Variants in NCKAP5 observed in about 807,000 individuals in gnomAD.
The protein encoded by NCKAP5 is nck-associated protein 5.
Under a neutral mutation model 167.0 loss-of-function variants are expected in NCKAP5, and 92 were observed. That is an observed-to-expected ratio of 0.55 (90% CI 0.47 to 0.66). NCKAP5 has a LOEUF of 0.66. Ranked by LOEUF, NCKAP5 falls within the 30% of genes least tolerant of loss-of-function variation. The pLI is 0.00. For synonymous variants in NCKAP5, 891 were observed against 877.4 expected (o/e 1.02, Z -0.27); for missense variants, 2,378 against 2,315.0 (o/e 1.03, Z -0.56).
Position 132,673,173 on chromosome 2 carries a change from CCTTGTTCAGAGAGTT to C in NCKAP5, c.*101_*115del. 7.2e-7 allele frequency: 1 copy of C among 1,389,878 alleles called. No homozygotes were observed. Among genetic ancestry groups the C allele is most frequent in the South Asian group, 1.7e-5 (1 of 57,176 alleles). 86.1% of individuals were successfully genotyped at this position (1,389,878 alleles called of 1,614,324 possible). A position where few individuals can be genotyped will look rare whatever the true frequency, so the allele number is the denominator to read the frequency against. On this transcript the variant is annotated 3_prime_UTR_variant, in exon 20 of 20. Transcript: ENST00000409261. ...TCTTTTTCTTCCTTCTGTCCTTCAA[CCTTGTTCAGAGAGTT>C]CTTCTCTTTTTCTAATAAAATCACA...
chr2:133,482,502 G>A (rs1680544096), intron 3 of NCKAP5, among the ~76,000 whole-genome samples: 1 of 152,150 alleles, frequency 6.6e-6, no homozygotes, highest in Non-Finnish European at 1.5e-5. Flanking sequence ...ACAGGTATGA[G>A]CCATTCATCT....
intron 7 of NCKAP5, among the ~76,000 whole-genome samples, chr2:132,987,701 T>C (rs900653402): frequency 1.3e-5 from 2 of 152,114 alleles, no homozygotes; most frequent in Non-Finnish European, 2.9e-5. Flanking sequence ...AACCAAAAAC[T>C]TGGACATCAC....
At chr2:133,087,975 C>A (rs2081049199) in intron 6 of NCKAP5, among the ~76,000 whole-genome samples, 1 of 152,136 alleles carries the variant, frequency 6.6e-6, no homozygotes, top group Non-Finnish European at 1.5e-5. Context: ...GTTTAACAAA[C>A]AAGTAAATGA....
At chr2:133,325,818 G>C (rs1682397060) in intron 3 of NCKAP5, among the ~76,000 whole-genome samples, 1 of 152,134 alleles carries the variant, frequency 6.6e-6, no homozygotes, top group African/African-American at 2.4e-5. Context: ...GCTAGCCTTG[G>C]CCTCCCAACT....
chr2:132,915,211 A>G (rs139184475), intron 8 of NCKAP5, among the ~76,000 whole-genome samples: 4 of 152,078 alleles, frequency 2.6e-5, no homozygotes, highest in Non-Finnish European at 5.9e-5. Context: ...TCCTGAGTTT[A>G]TATCATGGGG....
At chr2:133,635,229 G>C in the NCKAP5 span, among the ~76,000 whole-genome samples, 1 of 152,068 alleles carries the variant, frequency 6.6e-6, no homozygotes, top group Non-Finnish European at 1.5e-5. Flanking sequence ...AAGGAAGGGG[G>C]AATCTACAGG....
chr2:132,689,713 A>G (rs555804612), intron 19 of NCKAP5, among the ~76,000 whole-genome samples: 162 of 152,270 alleles, frequency 1.1e-3, no homozygotes, highest in African/African-American at 3.8e-3. Flanking sequence ...ACCACAATTC[A>G]GGCAACCTCT....
chr2:132,718,385 T>G (rs1689574722), intron 19 of NCKAP5, among the ~76,000 whole-genome samples: 1 of 152,160 alleles, frequency 6.6e-6, no homozygotes, highest in East Asian at 1.9e-4. Flanking sequence ...TCATAACGGG[T>G]GTGATGCACA....
intron 3 of NCKAP5, among the ~76,000 whole-genome samples, chr2:133,344,312 G>A (rs1283109655): frequency 2.0e-5 from 3 of 151,838 alleles, no homozygotes; most frequent in Non-Finnish European, 4.4e-5. Context: ...GAAGGCTGAG[G>A]CGGGAGAATT....
the NCKAP5 span, among the ~76,000 whole-genome samples, chr2:133,629,128 T>C: frequency 2.6e-5 from 4 of 151,926 alleles, no homozygotes; most frequent in African/African-American, 9.7e-5. Flanking sequence ...GAAGCAAAAA[T>C]TGACAAATGG....
chr2:133,394,869 G>C (rs1376752581), intron 3 of NCKAP5, among the ~76,000 whole-genome samples: 1 of 152,146 alleles, frequency 6.6e-6, no homozygotes, highest in East Asian at 1.9e-4. Context: ...CAAAACCCAT[G>C]GTCTTGCAGG....
At chr2:133,158,473 C>A (rs1470871062) in intron 5 of NCKAP5, among the ~76,000 whole-genome samples, 1 of 152,170 alleles carries the variant, frequency 6.6e-6, no homozygotes, top group African/African-American at 2.4e-5. Context: ...CATTGTGCTG[C>A]ATTCATTCAC....
chr2:132,784,052 G>A lies in NCKAP5; in HGVS notation c.2759C>T (p.Pro920Leu), dbSNP rs752311759. The A allele has an allele frequency of 7.8e-6, 12 of 1,532,906 alleles. No individual in the cohort carries two copies. Among genetic ancestry groups the A allele is most frequent in the East Asian group, 4.5e-5 (2 of 44,110 alleles). The allele number at this position is 1,532,906 out of a possible 1,614,324, so 95.0% of individuals were successfully genotyped here. ...PTRDEHCGSG[P>L]EAGVKSPSPP... is the part of the protein sequence containing the mutation. ...GGAAGGGGATTTCACCCCTGCCTCC[G>A]GCCCAGAGCCACAGTGTTCATCCCT... The change falls in exon 14 of 20, where the codon CCG (proline) becomes CTG (leucine). Residue 920 changes from proline (P) to leucine (L), a missense_variant. Around this residue, in one of 3 missense-constraint regions of NCKAP5, gnomAD observed 1,325 missense variants for 1,274.5 expected, o/e 1.04. Transcript: ENST00000409261.
At chr2:132,892,154 C>T (rs891268685) in intron 8 of NCKAP5, among the ~76,000 whole-genome samples, 2 of 152,156 alleles carry the variant, frequency 1.3e-5, no homozygotes, top group African/African-American at 2.4e-5. Flanking sequence ...CTGGATTGGA[C>T]AGTTTAAACA....
chr2:133,556,699 A>T (rs187432918), intron 2 of NCKAP5: 1 of 152,332 alleles, frequency 6.6e-6, no homozygotes, highest in East Asian at 1.9e-4. Context: ...TTTAATGCTA[A>T]TGTATTCAGT....
At chr2:133,538,652 A>G (rs1408534125) in intron 2 of NCKAP5, among the ~76,000 whole-genome samples, 2 of 152,136 alleles carry the variant, frequency 1.3e-5, no homozygotes, top group Non-Finnish European at 2.9e-5. Flanking sequence ...TTTGACATCA[A>G]GTATACATCA....
chr2:133,587,258 G>A, the NCKAP5 span, among the ~76,000 whole-genome samples: 1 of 152,138 alleles, frequency 6.6e-6, no homozygotes, highest in Non-Finnish European at 1.5e-5. Context: ...CCTCAGTCAA[G>A]CCTCAGGCCT....
At chr2:133,669,314 T>C in the NCKAP5 span, among the ~76,000 whole-genome samples, 1 of 152,244 alleles carries the variant, frequency 6.6e-6, no homozygotes, top group Admixed American at 6.5e-5. Context: ...TCTAGAAACA[T>C]TGATTTTGGC....
chr2:133,074,719 T>A (rs1464461999), intron 6 of NCKAP5, among the ~76,000 whole-genome samples: 4 of 152,114 alleles, frequency 2.6e-5, no homozygotes, highest in Non-Finnish European at 5.9e-5. Context: ...ATTCACTGAA[T>A]CAGCTTAGTA....
Sources: gnomAD v4.1 joint callset for allele counts (sites outside exome capture counted in the v4.1 genomes callset) on GRCh38, gnomAD v4.1.1 for gene constraint, gnomAD v4.1.1 regional missense constraint, MANE v1.5 for transcripts, NCBI Gene and HGNC (gene_info 2026-07-23, HGNC 2026-07-21) for gene names.